PUDP: variants seen among roughly 807,000 people sequenced by gnomAD.
PUDP encodes pseudouridine 5'-phosphatase, also known as pseudouridine-5'-phosphatase.
Under a neutral mutation model 9.4 loss-of-function variants are expected in PUDP, and 8 were observed. The observed-to-expected ratio is 0.85, with a 90% CI of 0.50 to 1.53. PUDP has a LOEUF of 1.53. PUDP is among the 40% of genes most tolerant of loss of function. PUDP has a pLI of 0.00. For missense variants in PUDP, 188 were observed against 189.7 expected, an observed-to-expected ratio of 0.99 and a Z score of 0.05; for synonymous variants, 99 against 80.7, an observed-to-expected ratio of 1.23 and a Z score of -1.22.
intron 3 of PUDP, among the ~76,000 whole-genome samples, chrX:6,837,891 CAAAAA>C (rs60159618): frequency 1.0e-5 from 1 of 98,949 alleles, no homozygotes; most frequent in Non-Finnish European, 2.0e-5. Flanking sequence ...CTATTTCTAC[CAAAAA>C]AAAAAAAATA....
intron 3 of PUDP, among the ~76,000 whole-genome samples, chrX:6,975,733 T>C (rs1205111530): frequency 8.9e-6 from 1 of 112,045 alleles, no homozygotes; most frequent in African/African-American, 3.2e-5. Context: ...TAACAGAGCT[T>C]GAGCACTGTG....
chrX:6,935,258 A>C lies in PUDP; in HGVS notation c.*247+41875T>G, dbSNP rs773732729. Among the ~76,000 whole-genome samples, 220 of 96,734 alleles carry C rather than the reference A, an allele frequency of 2.3e-3. 3 individuals carry two copies. The highest frequency in any genetic ancestry group is 8.0e-3 in the African/African-American group (210 of 26,234). The allele number at this position is 96,734 out of a possible 115,157, so 84.0% of individuals were successfully genotyped here. ...GTAAAGCTCTCCTCAGCAAATGTAAAAGAACAGAAATTATAACAAACTATC... is the reference window on the plus strand; with the variant it reads ...GTAAAGCTCTCCTCAGCAAATGTAACAGAACAGAAATTATAACAAACTATC... On this transcript the variant is annotated intron_variant and NMD_transcript_variant, in intron 3 of 3. Transcript: ENST00000655425.
intron 3 of PUDP, among the ~76,000 whole-genome samples, chrX:6,922,834 G>A (rs1390320989): frequency 3.6e-5 from 4 of 112,195 alleles, no homozygotes; most frequent in African/African-American, 1.3e-4. Context: ...AAACAACGAT[G>A]CTATTATTTC....
At chrX:7,140,801 G>A (rs146491487) in intron 1 of PUDP, among the ~76,000 whole-genome samples, 1,754 of 111,938 alleles carry the variant, frequency 0.016, 17 homozygotes, top group Non-Finnish European at 0.026. Context: ...CGTCGAGAAA[G>A]TCTATCAACA....
At chrX:7,027,265 G>A (rs963747017) in intron 1 of PUDP, among the ~76,000 whole-genome samples, 3 of 110,860 alleles carry the variant, frequency 2.7e-5, no homozygotes, top group African/African-American at 6.6e-5. Context: ...GGATAAAACC[G>A]TGGCCACGAG....
chrX:7,146,617 A>G (rs997468657), intron 1 of PUDP, among the ~76,000 whole-genome samples: 3 of 110,723 alleles, frequency 2.7e-5, no homozygotes, highest in Non-Finnish European at 3.8e-5. Context: ...CTCTGTGTTC[A>G]TAAAATGAAG....
chrX:6,729,062 C>T (rs1478719278), intron 3 of PUDP, among the ~76,000 whole-genome samples: 3 of 111,688 alleles, frequency 2.7e-5, no homozygotes, highest in Non-Finnish European at 3.8e-5. Flanking sequence ...GGCAAAGTGC[C>T]GTGTTCCTCA....
At chrX:7,050,519 C>T in intron 3 of PUDP, 47 bp from the exon 4 acceptor site, 2 of 1,097,632 alleles carry the variant, frequency 1.8e-6, no homozygotes, top group African/African-American at 1.8e-5. Flanking sequence ...TGGAACCAGA[C>T]ATGTGGATGA....
chrX:7,057,590 T>C, intron 3 of PUDP: 1 of 1,085,493 alleles, frequency 9.2e-7, no homozygotes, highest in African/African-American at 1.9e-5. Context: ...GGGCCGCCAT[T>C]TTGGTGGCAG....
chrX:7,016,962 T>C (rs1374284784), intron 1 of PUDP, among the ~76,000 whole-genome samples: 2 of 111,499 alleles, frequency 1.8e-5, no homozygotes, highest in African/African-American at 6.5e-5. Context: ...TGTGGTCCCA[T>C]GCACCATCAC....
chrX:6,956,342 G>C (rs1333850995), intron 3 of PUDP, among the ~76,000 whole-genome samples: 3 of 110,861 alleles, frequency 2.7e-5, no homozygotes, highest in Non-Finnish European at 5.7e-5. Context: ...TTCTTGTTAA[G>C]TATGCATCTT....
chrX:6,748,844 G>A (rs935605179), intron 3 of PUDP, among the ~76,000 whole-genome samples: 1 of 112,027 alleles, frequency 8.9e-6, no homozygotes, highest in East Asian at 2.8e-4. Context: ...CAATGGATGT[G>A]CTAAAATTGG....
chrX:6,909,708 GC>G (rs1428079563), intron 3 of PUDP, among the ~76,000 whole-genome samples: 1 of 111,611 alleles, frequency 9.0e-6, no homozygotes, highest in African/African-American at 3.3e-5. Flanking sequence ...GTTATCCTCT[GC>G]CTTTGCATAG....
chrX:7,050,447 T>C lies in PUDP; in HGVS notation c.536A>G (p.Asn179Ser), dbSNP rs1336333362. 5 of 1,209,331 alleles carry C rather than the reference T, an allele frequency of 4.1e-6. No individual in the cohort carries two copies. In the Admixed American group the frequency reaches 1.1e-4, roughly 26 times the overall value. Residue 179 changes from asparagine (N) to serine (S), a missense_variant, in exon 4 of 4, where the codon AAT (asparagine) becomes AGT (serine). Coordinates refer to ENST00000381077, the MANE Select transcript of PUDP (RefSeq NM_012080.5). ...EKCLVFEDAP[N>S]GVEAALAAGM... The stretch of plus-strand genomic sequence containing the variant: ...AGCTGCCAGGGCCGCCTCCACCCCA[T>C]TGGGAGCATCTTCAAAGACAAGGCA...
rs72609592 is a variant in PUDP at position 7,147,096 on chromosome X, C to T, written c.61+957G>A. 1.5e-3 allele frequency among the ~76,000 whole-genome samples: 163 copies of T among 111,176 alleles called. 1 individual carries two copies. Among genetic ancestry groups the T allele is most frequent in the Middle Eastern group, 4.6e-3 (1 of 218 alleles). On this transcript the variant is annotated intron_variant, in intron 1 of 3. Coordinates refer to ENST00000381077, the MANE Select transcript of PUDP (RefSeq NM_012080.5). ...TATTCTTTGAATTCTACTTGAATTC[C>T]TCTTGGCTGGTGAAGTTCACATGTG...
chrX:6,971,119 C>T (rs1602696107), intron 3 of PUDP, among the ~76,000 whole-genome samples: 1 of 111,502 alleles, frequency 9.0e-6, no homozygotes, highest in Non-Finnish European at 1.9e-5. Context: ...CTTATACCTG[C>T]TACAGGTAAA....
chrX:6,967,463 G>A (rs1440546434), intron 3 of PUDP, among the ~76,000 whole-genome samples: 2 of 111,841 alleles, frequency 1.8e-5, no homozygotes, highest in Non-Finnish European at 3.8e-5. Context: ...CCAGGTCTGC[G>A]TGGCAGCAGA....
At chrX:7,013,660 G>C (rs759289653) in intron 1 of PUDP, among the ~76,000 whole-genome samples, 76 of 112,068 alleles carry the variant, frequency 6.8e-4, no homozygotes, top group Admixed American at 2.7e-3. Context: ...TGCAACAGGC[G>C]TGTGGCTCGC....
intron 1 of PUDP, 92 bp from the exon 2 acceptor site, chrX:7,105,930 C>T (rs753338615): frequency 1.7e-6 from 1 of 581,763 alleles, no homozygotes; most frequent in African/African-American, 2.3e-5. Context: ...GTGTAGGTCT[C>T]ATTCCATGAA....
Sources: allele counts gnomAD v4.1 joint callset (sites outside exome capture counted in the v4.1 genomes callset), GRCh38; gene constraint gnomAD v4.1.1; transcripts MANE v1.5; gene names NCBI Gene and HGNC (gene_info 2026-07-23, HGNC 2026-07-21).